Variants in PTPN4 observed in about 807,000 individuals in gnomAD.
The protein encoded by PTPN4 is protein tyrosine phosphatase non-receptor type 4.
PTPN4 carries 49 observed loss-of-function variants against 135.5 expected under a neutral mutation model. The ratio of observed to expected loss-of-function variants is 0.36; its 90% CI spans 0.29 to 0.46. PTPN4 has a LOEUF of 0.46. Among genes scored for constraint, PTPN4 ranks in the 20% least tolerant of loss-of-function variants. PTPN4 has a pLI of 1.00. For synonymous variants in PTPN4, 333 were observed against 369.9 expected (o/e 0.90, Z 1.14); for missense variants, 860 against 1,101.0 (o/e 0.78, Z 3.10).
intron 22 of PTPN4, among the ~76,000 whole-genome samples, chr2:119,957,450 T>G (rs1679305221): frequency 6.6e-6 from 1 of 151,996 alleles, no homozygotes; most frequent in East Asian, 1.9e-4. Context: ...ATTATGAAAA[T>G]CTAATGCCTG....
At position 119,967,899 on chromosome 2, in the gene PTPN4, G is replaced by T; in HGVS notation, c.2621G>T (p.Cys874Phe). 1.2e-6 allele frequency: 2 copies of T among 1,611,394 alleles called. No individual in the cohort carries two copies. The highest frequency in any genetic ancestry group is 1.1e-5 in the South Asian group (1 of 90,710). The change falls in exon 26 of 27, where the codon TGC becomes TTC. Residue 874 changes from cysteine (C) to phenylalanine (F), a missense_variant. Around this residue, in one of 2 missense-constraint regions of PTPN4, gnomAD observed 176 missense variants for 294.1 expected, o/e 0.60. Coordinates refer to ENST00000263708, the MANE Select transcript of PTPN4 (RefSeq NM_002830.4). ...TMETAMCLIE[C>F]NQPVYPLDIV... The stretch of plus-strand genomic sequence containing the variant: ...GAAACAGCCATGTGTCTCATTGAAT[G>T]CAATCAGCCAGTTTATCCACTAGAT...
At chr2:119,933,685 A>G (rs1190797984) in intron 14 of PTPN4, among the ~76,000 whole-genome samples, 45 of 151,110 alleles carry the variant, frequency 3.0e-4, no homozygotes, top group Non-Finnish European at 4.4e-5. Flanking sequence ...AAAAAAATCT[A>G]ACAGCTAGAG....
chr2:119,962,465 AAC>A (rs1308393907), intron 23 of PTPN4, 149 bp from the exon 24 acceptor site: 2 of 377,992 alleles, frequency 5.3e-6, no homozygotes, highest in African/African-American at 4.3e-5. Context: ...AAAAAAAAAA[AAC>A]ACTAGTCAGC....
intron 1 of PTPN4, among the ~76,000 whole-genome samples, chr2:119,772,744 G>A (rs573846855): frequency 1.3e-5 from 2 of 152,186 alleles, no homozygotes; most frequent in East Asian, 3.9e-4. Flanking sequence ...TCACTGTGTT[G>A]GCCAGGCTGG....
At chr2:119,964,863 A>C (rs1003061756) in intron 24 of PTPN4, among the ~76,000 whole-genome samples, 1 of 152,228 alleles carries the variant, frequency 6.6e-6, no homozygotes, top group African/African-American at 2.4e-5. Context: ...TTTTAAAGAT[A>C]ATGTCATAGT....
chr2:119,772,148 C>T (rs1174434437), intron 1 of PTPN4, among the ~76,000 whole-genome samples: 1 of 152,178 alleles, frequency 6.6e-6, no homozygotes, highest in Non-Finnish European at 1.5e-5. Context: ...TAAGGGAAAT[C>T]TTTCTAATTT....
chr2:119,952,983 A>G (rs1679231120), intron 19 of PTPN4, among the ~76,000 whole-genome samples: 1 of 152,146 alleles, frequency 6.6e-6, no homozygotes, highest in African/African-American at 2.4e-5. Flanking sequence ...ATGCATTATA[A>G]GTTTAACCCC....
chr2:119,761,350 T>C (rs570988807), intron 1 of PTPN4, among the ~76,000 whole-genome samples: 1 of 151,906 alleles, frequency 6.6e-6, no homozygotes, highest in South Asian at 2.1e-4. Flanking sequence ...AGGAAAAAAA[T>C]TTTTTTTCAA....
At chr2:119,937,711 T>G (rs984056996) in intron 15 of PTPN4, among the ~76,000 whole-genome samples, 2 of 152,230 alleles carry the variant, frequency 1.3e-5, no homozygotes, top group African/African-American at 4.8e-5. Context: ...ATTGCTCTGC[T>G]ACCAGCATAG....
chr2:119,942,065 A>G (rs905986393), intron 15 of PTPN4, among the ~76,000 whole-genome samples: 3 of 152,242 alleles, frequency 2.0e-5, no homozygotes, highest in Non-Finnish European at 2.9e-5. Context: ...AATTATTTTT[A>G]TAAAAACAAT....
intron 5 of PTPN4, among the ~76,000 whole-genome samples, chr2:119,879,845 A>G (rs1678044855): frequency 6.6e-6 from 1 of 152,158 alleles, no homozygotes; most frequent in Admixed American, 6.5e-5. Flanking sequence ...ATGCAGATGA[A>G]TCTGCTCAGT....
In PTPN4 at chr2:119,768,489, G is replaced by A. The variant is rs11903241; in HGVS notation, c.-18+8105G>A. ...TATATGTATACACACATCTGAATCT[G>A]TTTCTATGCCTATGTACAGGTATTT... On this transcript the variant is annotated intron_variant, in intron 1 of 26. Coordinates refer to ENST00000263708, the MANE Select transcript of PTPN4 (RefSeq NM_002830.4). Among the ~76,000 whole-genome samples the A allele has an allele frequency of 3.6e-3, 550 of 152,294 alleles. 3 individuals carry two copies. Among genetic ancestry groups the A allele is most frequent in the African/African-American group, 0.013 (528 of 41,558 alleles).
At chr2:119,958,037 A>G (rs1306216455) in intron 22 of PTPN4, among the ~76,000 whole-genome samples, 1 of 152,164 alleles carries the variant, frequency 6.6e-6, no homozygotes, top group African/African-American at 2.4e-5. Context: ...CTTAAAAACT[A>G]CTAAAATCAA....
At chr2:119,870,991 A>G (rs949052269) in intron 3 of PTPN4, among the ~76,000 whole-genome samples, 2 of 151,988 alleles carry the variant, frequency 1.3e-5, no homozygotes, top group Admixed American at 6.6e-5. Context: ...CATATGTAAC[A>G]TAATATTAAA....
At chr2:119,774,334 C>G (rs934350799) in intron 1 of PTPN4, among the ~76,000 whole-genome samples, 1 of 152,138 alleles carries the variant, frequency 6.6e-6, no homozygotes, top group Non-Finnish European at 1.5e-5. Context: ...CTTGCCATTT[C>G]AAGAGAAATG....
At chr2:119,775,197 C>G (rs1003766694) in intron 1 of PTPN4, among the ~76,000 whole-genome samples, 5 of 151,076 alleles carry the variant, frequency 3.3e-5, no homozygotes, top group Admixed American at 1.3e-4. Context: ...TAGGCTAACT[C>G]CACTGTTTTG....
rs199573531 is a variant in PTPN4 at position 119,855,485 on chromosome 2, A to G, written c.139-7051A>G. ...TGAGAGACACCGGCAGATTTTTCTC[A>G]TATCTTAGAAGTTTCCCTTCTTTAC... On this transcript the variant is annotated intron_variant, in intron 2 of 26. Coordinates refer to ENST00000263708, the MANE Select transcript of PTPN4 (RefSeq NM_002830.4). 3.3e-5 allele frequency among the ~76,000 whole-genome samples: 5 copies of G among 152,278 alleles called. No homozygotes were observed. The East Asian group carries it at 7.7e-4, about 24-fold the overall frequency.
intron 2 of PTPN4, among the ~76,000 whole-genome samples, chr2:119,860,026 T>G (rs1055835079): frequency 1.3e-5 from 2 of 152,180 alleles, no homozygotes; most frequent in Non-Finnish European, 2.9e-5. Context: ...CTGTGATATA[T>G]AGGAAGTGAA....
intron 1 of PTPN4, among the ~76,000 whole-genome samples, chr2:119,783,914 G>T (rs1173217153): frequency 6.6e-6 from 1 of 152,142 alleles, no homozygotes; most frequent in African/African-American, 2.4e-5. Flanking sequence ...TTGCTCATTG[G>T]CAATGGCTGG....
Sources: gnomAD v4.1 joint callset for allele counts (sites outside exome capture counted in the v4.1 genomes callset) on GRCh38, gnomAD v4.1.1 for gene constraint, gnomAD v4.1.1 regional missense constraint, MANE v1.5 for transcripts, NCBI Gene and HGNC (gene_info 2026-07-23, HGNC 2026-07-21) for gene names.